Variants in INSC observed in about 807,000 individuals in gnomAD.
INSC encodes the protein INSC spindle orientation adaptor protein.
Under a neutral mutation model 58.6 loss-of-function variants are expected in INSC, and 67 were observed. That is an observed-to-expected ratio of 1.14 (90% CI 0.94 to 1.40). The LOEUF is 1.40. Ranked by LOEUF, INSC falls within the 40% of genes most tolerant of loss-of-function variation. INSC has a pLI of 0.00. For missense variants in INSC, 714 were observed against 692.0 expected (o/e 1.03, Z -0.36); for synonymous variants, 262 against 276.1 (o/e 0.95, Z 0.51).
chr11:15,125,451 A>G (rs1012071240), intron 1 of INSC, among the ~76,000 whole-genome samples: 1 of 152,180 alleles, frequency 6.6e-6, no homozygotes, highest in Admixed American at 6.5e-5. Flanking sequence ...AAAATAGTAG[A>G]TTGTTACTGG....
chr11:15,253,115 T>A, the INSC span, among the ~76,000 whole-genome samples: 18 of 152,180 alleles, frequency 1.2e-4, 1 homozygote, highest in African/African-American at 4.3e-4. Context: ...AAATTACCAC[T>A]GAAGTTTGAT....
At chr11:15,168,065 AT>A (rs970941750) in intron 2 of INSC, among the ~76,000 whole-genome samples, 2 of 152,162 alleles carry the variant, frequency 1.3e-5, no homozygotes, top group Admixed American at 1.3e-4. Context: ...CCATCTGCCT[AT>A]GTTAAGGCTG....
At chr11:15,199,280 A>C (rs1265663935) in intron 6 of INSC, among the ~76,000 whole-genome samples, 1 of 152,214 alleles carries the variant, frequency 6.6e-6, no homozygotes, top group Non-Finnish European at 1.5e-5. Context: ...CAACCACCCC[A>C]AAGGAAGTAG....
rs535792646 is a variant in INSC, at chr11:15,182,789, T to G, written c.579+4342T>G. Among the ~76,000 whole-genome samples, 265 of 152,328 alleles carry G rather than the reference T, an allele frequency of 1.7e-3. 1 individual carries two copies. Among genetic ancestry groups the G allele is most frequent in the Non-Finnish European group, 3.0e-3 (204 of 68,030 alleles). On this transcript the variant is annotated intron_variant, in intron 5 of 12. Coordinates refer to ENST00000379556, the MANE Select transcript of INSC (RefSeq NM_001042536.3). ...TTTAAGGAAATCTTATTTCCAGATCTTCAATTTTCATTTGTTTTCTTTCTT... is the reference window on the plus strand; with the variant it reads ...TTTAAGGAAATCTTATTTCCAGATCGTCAATTTTCATTTGTTTTCTTTCTT...
intron 5 of INSC, among the ~76,000 whole-genome samples, chr11:15,185,962 G>T (rs1849950459): frequency 6.6e-6 from 1 of 152,006 alleles, no homozygotes; most frequent in Non-Finnish European, 1.5e-5. Flanking sequence ...TTTGACATAA[G>T]ATACTCAGGT....
intron 12 of INSC, among the ~76,000 whole-genome samples, chr11:15,245,707 C>A (rs1852536162): frequency 6.6e-6 from 1 of 152,190 alleles, no homozygotes; most frequent in Non-Finnish European, 1.5e-5. Flanking sequence ...GCAAATAAAG[C>A]TAGCTGACCA....
intron 1 of INSC, among the ~76,000 whole-genome samples, chr11:15,122,182 A>G (rs1847890299): frequency 6.6e-6 from 1 of 152,226 alleles, no homozygotes. Context: ...ACATGTTTTT[A>G]GAAGAAAAAA....
At chr11:15,269,412 G>GC in the INSC span, among the ~76,000 whole-genome samples, 9 of 152,052 alleles carry the variant, frequency 5.9e-5, no homozygotes, top group South Asian at 1.2e-3. Flanking sequence ...CCATCTTTAG[G>GC]CACTTATGGT....
At chr11:15,180,038 C>T (rs1404198294) in intron 5 of INSC, among the ~76,000 whole-genome samples, 3 of 152,114 alleles carry the variant, frequency 2.0e-5, no homozygotes, top group Admixed American at 1.3e-4. Context: ...GGGCAGATCA[C>T]GAGGTCAGGA....
intron 9 of INSC, among the ~76,000 whole-genome samples, chr11:15,228,608 A>G (rs1293883616): frequency 6.6e-6 from 1 of 152,216 alleles, no homozygotes; most frequent in Non-Finnish European, 1.5e-5. Context: ...AAGAAGATGA[A>G]TTAGGCTTTG....
chr11:15,178,247 A>G, intron 4 of INSC, 77 bp from the exon 5 acceptor site: 1 of 1,570,552 alleles, frequency 6.4e-7, no homozygotes, highest in Non-Finnish European at 8.7e-7. Flanking sequence ...TAGCAGGTCC[A>G]GTTCTGGCCC....
intron 1 of INSC, among the ~76,000 whole-genome samples, chr11:15,145,027 G>T (rs1353460189): frequency 1.3e-5 from 2 of 152,104 alleles, no homozygotes; most frequent in Non-Finnish European, 2.9e-5. Flanking sequence ...GGTGATGGAG[G>T]GATTTCTTCT....
chr11:15,229,678 C>G (rs1027340066), intron 9 of INSC, among the ~76,000 whole-genome samples: 2 of 151,530 alleles, frequency 1.3e-5, no homozygotes, highest in Non-Finnish European at 2.9e-5. Flanking sequence ...GAACCAGAGA[C>G]TGGGATGGGT....
chr11:15,122,369 A>G (rs1261274834), intron 1 of INSC, among the ~76,000 whole-genome samples: 3 of 152,178 alleles, frequency 2.0e-5, no homozygotes, highest in Admixed American at 6.5e-5. Context: ...CAGGGCCTGA[A>G]CTAAGTTCGA....
intron 1 of INSC, among the ~76,000 whole-genome samples, chr11:15,126,146 G>C (rs1456454490): frequency 6.6e-6 from 1 of 152,196 alleles, no homozygotes; most frequent in Non-Finnish European, 1.5e-5. Context: ...TTTACAATGA[G>C]AGCTGTGTTT....
In INSC at chr11:15,235,638, C is replaced by G. The variant is rs1354818547; in HGVS notation, c.1207C>G (p.Gln403Glu). The change falls in exon 10 of 13, where the codon CAG (glutamine) becomes GAG (glutamate). Residue 403 changes from glutamine (Q) to glutamate (E), a missense_variant. Transcript: ENST00000379556. ...TILANMSVLE[Q>E]CASDIIQENG... ...CTTGGCAAACATGTCTGTCCTAGAACAGTGTGCCTCTGACATCATTCAGGA... is the reference window on the plus strand; with the variant it reads ...CTTGGCAAACATGTCTGTCCTAGAAGAGTGTGCCTCTGACATCATTCAGGA... The G allele has an allele frequency of 3.1e-6, 5 of 1,613,880 alleles. No individual in the cohort carries two copies. Among genetic ancestry groups the G allele is most frequent in the Non-Finnish European group, 1.7e-6 (2 of 1,179,868 alleles).
chr11:15,114,525 A>C (rs78381502), upstream of INSC, among the ~76,000 whole-genome samples: 48 of 152,286 alleles, frequency 3.2e-4, 3 homozygotes, highest in East Asian at 9.3e-3. Context: ...ATCGCGGCAC[A>C]TTCCCTTCCC....
In INSC at chr11:15,191,597, T is replaced by A. The variant is rs1409439412; in HGVS notation, c.693+783T>A. ...CAAACCCAGTTGAAAGAAAAGTTTT[T>A]ATTTTTTTTCATATAGACTTGTGTA... is the stretch of plus-strand genomic sequence containing the variant. On this transcript the variant is annotated intron_variant, in intron 6 of 12. Transcript: ENST00000379556. Among the ~76,000 whole-genome samples the A allele has an allele frequency of 2.0e-5, 3 of 152,208 alleles. No individual in the cohort carries two copies. The East Asian group carries it at 5.8e-4, about 29-fold the overall frequency.
At chr11:15,141,690 A>G (rs566522028) in intron 1 of INSC, among the ~76,000 whole-genome samples, 158 of 152,208 alleles carry the variant, frequency 1.0e-3, no homozygotes, top group Admixed American at 2.6e-3. Flanking sequence ...ACAGCTAGCA[A>G]TAGCTCCAAT....
Sources: allele counts gnomAD v4.1 joint callset (sites outside exome capture counted in the v4.1 genomes callset), GRCh38; gene constraint gnomAD v4.1.1; transcripts MANE v1.5; gene names NCBI Gene and HGNC (gene_info 2026-07-23, HGNC 2026-07-21).